Variants in SLC14A2 observed in about 807,000 individuals in gnomAD.
The protein encoded by SLC14A2 is solute carrier family 14 member 2.
A neutral mutation model predicts 104.6 loss-of-function variants in SLC14A2; 91 were observed. That is an observed-to-expected ratio of 0.87 (90% CI 0.73 to 1.04). SLC14A2 has a LOEUF of 1.04. Among genes scored for constraint, SLC14A2 ranks in the 50% least tolerant of loss-of-function variants. The probability of loss-of-function intolerance (pLI) is 0.00; values close to 1 mark genes in which losing one functional copy is unlikely to be tolerated. For missense variants in SLC14A2, 1,189 were observed against 1,156.0 expected (o/e 1.03, Z -0.41); for synonymous variants, 476 against 466.4 (o/e 1.02, Z -0.27).
At chr18:45,633,568 G>A (rs940727378) in intron 5 of SLC14A2, among the ~76,000 whole-genome samples, 1 of 152,216 alleles carries the variant, frequency 6.6e-6, no homozygotes, top group African/African-American at 2.4e-5. Context: ...TGGGGTCTCT[G>A]CAGTGTGCTC....
intron 10 of SLC14A2, among the ~76,000 whole-genome samples, chr18:45,657,282 G>C (rs560030748): frequency 1.6e-4 from 24 of 151,806 alleles, no homozygotes; most frequent in Non-Finnish European, 3.2e-4. Context: ...GACTATCCTA[G>C]CTAACACCGT....
At chr18:45,443,009 A>AAAATG (rs748745879) in intron 1 of SLC14A2, among the ~76,000 whole-genome samples, 103 of 152,332 alleles carry the variant, frequency 6.8e-4, no homozygotes, top group Non-Finnish European at 1.2e-3. Flanking sequence ...ATGGTTTTAT[A>AAAATG]TGTGCATGTT....
rs567232890 is a variant in SLC14A2, at chr18:45,674,317, A to T, written c.2512+500A>T. On this transcript the variant is annotated intron_variant, in intron 18 of 19. Coordinates refer to ENST00000255226, the MANE Select transcript of SLC14A2 (RefSeq NM_007163.4). ...GCAGAACATTTAAAACAGAAGTTCT[A>T]TTTCAATACATCTGTAGACTCTGTG... 4.4e-3 allele frequency among the ~76,000 whole-genome samples: 677 copies of T among 152,322 alleles called. 6 individuals are homozygous for T. Among genetic ancestry groups the T allele is most frequent in the African/African-American group, 0.016 (647 of 41,560 alleles).
chr18:45,240,064 G>A (rs2084296178), intron 1 of SLC14A2, among the ~76,000 whole-genome samples: 1 of 142,160 alleles, frequency 7.0e-6, no homozygotes, highest in South Asian at 2.3e-4. Context: ...GAATAGTGCT[G>A]TAATAAACAT....
chr18:45,289,537 T>C (rs184964908), intron 1 of SLC14A2, among the ~76,000 whole-genome samples: 79 of 152,330 alleles, frequency 5.2e-4, no homozygotes, highest in African/African-American at 1.8e-3. Flanking sequence ...CCAATGTTCC[T>C]TACTGTCTCC....
intron 1 of SLC14A2, among the ~76,000 whole-genome samples, chr18:45,261,651 A>G (rs566318763): frequency 6.6e-6 from 1 of 151,884 alleles, no homozygotes; most frequent in East Asian, 1.9e-4. Flanking sequence ...AAGTGAGAAC[A>G]TGCGGTGTTT....
chr18:45,312,448 T>C (rs1018922746), intron 1 of SLC14A2, among the ~76,000 whole-genome samples: 1 of 152,172 alleles, frequency 6.6e-6, no homozygotes, highest in Non-Finnish European at 1.5e-5. Flanking sequence ...ATGATGCTAA[T>C]TACTGGGTAT....
rs8089559 is a variant in SLC14A2, at chr18:45,553,856, T to A, written c.-35+70534T>A. Reference sequence around the variant, plus strand: ...CTTTCTTTCCCTCCTAAAGTCAGTCTTGGACCCTGCCTATAACACGCTCAA... The same window carrying A: ...CTTTCTTTCCCTCCTAAAGTCAGTCATGGACCCTGCCTATAACACGCTCAA... On this transcript the variant is annotated intron_variant, in intron 2 of 20. Transcript: ENST00000586448. Among the ~76,000 whole-genome samples the A allele has an allele frequency of 6.5e-3, 992 of 152,278 alleles. 11 individuals are homozygous for A. Among genetic ancestry groups the A allele is most frequent in the African/African-American group, 0.021 (861 of 41,528 alleles).
At chr18:45,646,277 C>T (rs1477125368) in intron 10 of SLC14A2, 1 of 152,192 alleles carries the variant, frequency 6.6e-6, no homozygotes, top group African/African-American at 2.4e-5. Context: ...CAGGGAGGTT[C>T]AGAGAATCCC....
At chr18:45,560,637 A>T (rs371373703) in intron 2 of SLC14A2, among the ~76,000 whole-genome samples, 1 of 152,226 alleles carries the variant, frequency 6.6e-6, no homozygotes, top group African/African-American at 2.4e-5. Context: ...TGATAACAAA[A>T]ATAAGAAACA....
At chr18:45,201,993 G>A in the SLC14A2 span, among the ~76,000 whole-genome samples, 19 of 152,214 alleles carry the variant, frequency 1.2e-4, no homozygotes, top group East Asian at 7.7e-4. Flanking sequence ...ATTATCAAGT[G>A]AACATTTCTT....
chr18:45,356,988 C>T (rs1173188876), intron 1 of SLC14A2, among the ~76,000 whole-genome samples: 1 of 152,204 alleles, frequency 6.6e-6, no homozygotes, highest in Non-Finnish European at 1.5e-5. Context: ...AAGGATGATG[C>T]AGCAGGCTTC....
chr18:45,402,265 G>C (rs1475080832), intron 1 of SLC14A2, among the ~76,000 whole-genome samples: 1 of 152,030 alleles, frequency 6.6e-6, no homozygotes, highest in Non-Finnish European at 1.5e-5. Flanking sequence ...GTTTCTCTTT[G>C]TAATTGTCTA....
intron 2 of SLC14A2, among the ~76,000 whole-genome samples, chr18:45,540,490 C>A (rs563893826): frequency 6.6e-6 from 1 of 152,222 alleles, no homozygotes; most frequent in African/African-American, 2.4e-5. Context: ...TACCTGTAAT[C>A]CCAGCACTTT....
At chr18:45,191,631 C>T in the SLC14A2 span, among the ~76,000 whole-genome samples, 1 of 152,198 alleles carries the variant, frequency 6.6e-6, no homozygotes, top group East Asian at 1.9e-4. Flanking sequence ...TCTCCACAAA[C>T]TAGGTCCCCT....
Position 45,391,970 on chromosome 18 carries a change from C to T in SLC14A2, c.-124-91263C>T, listed in dbSNP as rs1158235692. Among the ~76,000 whole-genome samples, 12 of 152,156 alleles carry T rather than the reference C, an allele frequency of 7.9e-5. 1 individual carries two copies. Among genetic ancestry groups the T allele is most frequent in the South Asian group, 4.1e-4 (2 of 4,834 alleles). ...TCAATTCTGGCTTTTGTTGCCATTG[C>T]TTTTGGTATTTTAGACATGAAGTCC... On this transcript the variant is annotated intron_variant, in intron 1 of 20. Transcript: ENST00000586448.
At chr18:45,519,134 C>T (rs2043482120) in intron 2 of SLC14A2, among the ~76,000 whole-genome samples, 1 of 152,084 alleles carries the variant, frequency 6.6e-6, no homozygotes, top group Non-Finnish European at 1.5e-5. Context: ...AAAAATCCTC[C>T]AAAAAGCCAA....
intron 2 of SLC14A2, among the ~76,000 whole-genome samples, chr18:45,558,289 T>A (rs1204136851): frequency 6.6e-6 from 1 of 152,216 alleles, no homozygotes; most frequent in Non-Finnish European, 1.5e-5. Flanking sequence ...AGTTCAGTCT[T>A]TCTGGAAAGC....
chr18:45,303,991 G>A (rs921811850), intron 1 of SLC14A2, among the ~76,000 whole-genome samples: 9 of 152,198 alleles, frequency 5.9e-5, no homozygotes, highest in African/African-American at 2.2e-4. Flanking sequence ...CTAATTATTC[G>A]ACAACCCAAC....
Sources: gnomAD v4.1 joint callset for allele counts (sites outside exome capture counted in the v4.1 genomes callset) on GRCh38, gnomAD v4.1.1 for gene constraint, MANE v1.5 for transcripts, NCBI Gene and HGNC (gene_info 2026-07-23, HGNC 2026-07-21) for gene names.